Variants in CCDC171 observed in about 807,000 individuals in gnomAD.
The protein encoded by CCDC171 is coiled-coil domain containing 171.
In CCDC171, 177 loss-of-function variants were observed where a neutral mutation model predicts 168.2. That is an observed-to-expected ratio of 1.05 (90% CI 0.93 to 1.19). The LOEUF (loss-of-function observed/expected upper bound fraction) is 1.19, where lower values mean the gene tolerates loss of function less well. Among genes scored for constraint, CCDC171 ranks in the 50% most tolerant of loss-of-function variants. The pLI is 0.00. For synonymous variants in CCDC171, 687 were observed against 540.8 expected (o/e 1.27, Z -3.75); for missense variants, 1,991 against 1,539.0 (o/e 1.29, Z -4.91).
intron 4 of CCDC171, among the ~76,000 whole-genome samples, chr9:15,580,564 G>A (rs945827207): frequency 2.6e-5 from 4 of 151,934 alleles, no homozygotes; most frequent in African/African-American, 9.7e-5. Flanking sequence ...CAAAAACTGG[G>A]CAAAGGACAT....
intron 11 of CCDC171, among the ~76,000 whole-genome samples, chr9:15,710,096 A>G (rs868116203): frequency 6.6e-6 from 1 of 152,138 alleles, no homozygotes; most frequent in African/African-American, 2.4e-5. Flanking sequence ...TTTAACTTTG[A>G]CTCTAAAAAA....
intron 6 of CCDC171, among the ~76,000 whole-genome samples, chr9:15,605,032 AC>A (rs1323239839): frequency 6.6e-6 from 1 of 152,076 alleles, no homozygotes; most frequent in African/African-American, 2.4e-5. Flanking sequence ...TGTATCTGGG[AC>A]CATAAGCATG....
chr9:15,554,197 T>C (rs1306466750), intron 1 of CCDC171, among the ~76,000 whole-genome samples: 1 of 152,128 alleles, frequency 6.6e-6, no homozygotes, highest in Non-Finnish European at 1.5e-5. Context: ...TTTTTTTGTA[T>C]TTTTAGTGGA....
intron 7 of CCDC171, among the ~76,000 whole-genome samples, chr9:15,641,799 A>G (rs1283206807): frequency 1.3e-5 from 2 of 152,218 alleles, no homozygotes; most frequent in African/African-American, 2.4e-5. Flanking sequence ...TTGGCAGTAC[A>G]TTGCTGTAGG....
intron 21 of CCDC171, among the ~76,000 whole-genome samples, chr9:15,808,645 G>A (rs2059182611): frequency 6.6e-6 from 1 of 152,192 alleles, no homozygotes; most frequent in Non-Finnish European, 1.5e-5. Context: ...GATTTTGGAA[G>A]CAGAGTAAGG....
the CCDC171 span, among the ~76,000 whole-genome samples, chr9:16,084,265 C>T: frequency 6.6e-6 from 1 of 152,142 alleles, no homozygotes; most frequent in Non-Finnish European, 1.5e-5. Context: ...CTATCCTCAG[C>T]TCCTGATCAT....
At chr9:16,024,375 C>T (rs76713234) in intron 6 of CCDC171, among the ~76,000 whole-genome samples, 2,359 of 152,280 alleles carry the variant, frequency 0.015, 61 homozygotes, top group African/African-American at 0.052. Context: ...AGGGAGATTA[C>T]TCTAATTTAG....
intron 16 of CCDC171, among the ~76,000 whole-genome samples, chr9:15,734,926 A>G (rs1028502464): frequency 2.0e-5 from 3 of 152,214 alleles, no homozygotes; most frequent in Admixed American, 6.5e-5. Flanking sequence ...TCTGCTGGGA[A>G]ACAAATGACC....
In CCDC171 at chr9:15,659,700, A is replaced by G. The variant is rs1441613583; in HGVS notation, c.915+2481A>G. Reference sequence around the variant, plus strand: ...TTTGGCTTTAGCAAGTTTGAAAATCATCTCACTTTATTTGTGCTCTTGAAT... The same window carrying G: ...TTTGGCTTTAGCAAGTTTGAAAATCGTCTCACTTTATTTGTGCTCTTGAAT... On this transcript the variant is annotated intron_variant, in intron 8 of 25. Coordinates refer to ENST00000380701, the MANE Select transcript of CCDC171 (RefSeq NM_173550.4). Among the ~76,000 whole-genome samples the G allele has an allele frequency of 5.3e-5, 8 of 152,212 alleles. No homozygotes were observed. The East Asian group carries it at 1.3e-3, about 26-fold the overall frequency.
chr9:16,106,869 G>A, the CCDC171 span, among the ~76,000 whole-genome samples: 1 of 152,132 alleles, frequency 6.6e-6, no homozygotes. Context: ...CTTGGGCCAG[G>A]TGTCACCCTC....
intron 7 of CCDC171, among the ~76,000 whole-genome samples, chr9:15,629,720 A>G (rs571972827): frequency 6.6e-6 from 1 of 152,318 alleles, no homozygotes; most frequent in South Asian, 2.1e-4. Context: ...TAAGACACAT[A>G]ATTGTCAGAT....
chr9:15,792,422 T>C (rs1002590695), intron 21 of CCDC171, among the ~76,000 whole-genome samples: 10 of 152,042 alleles, frequency 6.6e-5, no homozygotes, highest in Non-Finnish European at 1.2e-4. Flanking sequence ...CAGGAGAACT[T>C]CCCCAACCTA....
At chr9:15,833,183 C>T (rs141669503) in intron 21 of CCDC171, among the ~76,000 whole-genome samples, 10 of 151,814 alleles carry the variant, frequency 6.6e-5, no homozygotes, top group Non-Finnish European at 1.0e-4. Context: ...GTAGACACAG[C>T]GTTTTGCCAT....
intron 7 of CCDC171, among the ~76,000 whole-genome samples, chr9:15,636,925 G>A (rs1378916779): frequency 6.7e-6 from 1 of 150,300 alleles, no homozygotes; most frequent in Non-Finnish European, 1.5e-5. Flanking sequence ...ATTTTTTTTT[G>A]TTTTTAGGGT....
At chr9:15,767,763 G>C (rs1465539383) in intron 18 of CCDC171, among the ~76,000 whole-genome samples, 2 of 131,504 alleles carry the variant, frequency 1.5e-5, no homozygotes, top group African/African-American at 2.9e-5. Context: ...TCATGTCCTT[G>C]GGCCTTTCTG....
At chr9:15,900,366 G>C (rs1163620689) in intron 24 of CCDC171, among the ~76,000 whole-genome samples, 1 of 152,150 alleles carries the variant, frequency 6.6e-6, no homozygotes, top group African/African-American at 2.4e-5. Flanking sequence ...AGTGATCCTG[G>C]GTGACAGCCA....
chr9:15,832,981 C>CTTTTTTTTTTTTTTTTTTTTTTT (rs71325937), intron 21 of CCDC171, among the ~76,000 whole-genome samples: 2 of 69,438 alleles, frequency 2.9e-5, no homozygotes, highest in Non-Finnish European at 5.3e-5. Context: ...TCATTATAAT[C>CTTTTTTTTTTTTTTTTTTTTTTT]TTTTTTTTTT....
At chr9:16,016,278 C>A (rs113257384) in intron 3 of CCDC171, among the ~76,000 whole-genome samples, 4 of 152,168 alleles carry the variant, frequency 2.6e-5, no homozygotes, top group African/African-American at 9.6e-5. Flanking sequence ...TTTCAAATCC[C>A]CTTCTAGATA....
In CCDC171 at chr9:15,812,042, AAT is replaced by A. The variant is rs564948680; in HGVS notation, c.3267+27351_3267+27352del. On this transcript the variant is annotated intron_variant, in intron 21 of 25. Coordinates refer to ENST00000380701, the MANE Select transcript of CCDC171 (RefSeq NM_173550.4). ...TCTAGGGGAAATGGTTGGAAACAATAATATGTCTTGGCTTTGGCACTCTGGTT... is the reference window on the plus strand; with the variant it reads ...TCTAGGGGAAATGGTTGGAAACAATAATGTCTTGGCTTTGGCACTCTGGTT... Among the ~76,000 whole-genome samples, 245 of 152,306 alleles carry A rather than the reference AAT, an allele frequency of 1.6e-3. 1 individual carries two copies. The highest frequency in any genetic ancestry group is 2.7e-3 in the Non-Finnish European group (185 of 68,022).
Sources: gnomAD v4.1 joint callset for allele counts (sites outside exome capture counted in the v4.1 genomes callset) on GRCh38, gnomAD v4.1.1 for gene constraint, MANE v1.5 for transcripts, NCBI Gene and HGNC (gene_info 2026-07-23, HGNC 2026-07-21) for gene names.